Variants in CRABP1 observed in about 807,000 individuals in gnomAD.
CRABP1 encodes the protein cellular retinoic acid binding protein 1.
Under a neutral mutation model 16.4 loss-of-function variants are expected in CRABP1, and 9 were observed. That is an observed-to-expected ratio of 0.55 (90% CI 0.33 to 0.96). The LOEUF is 0.96. CRABP1 is among the 40% of genes least tolerant of loss of function. CRABP1 has a pLI of 0.03. For missense variants in CRABP1, 157 were observed against 186.0 expected, an observed-to-expected ratio of 0.84 and a Z score of 0.91; for synonymous variants, 72 against 70.4, an observed-to-expected ratio of 1.02 and a Z score of -0.11.
Position 78,340,497 on chromosome 15 carries a change from G to A in CRABP1, c.69G>A (p.Leu23=), listed in dbSNP as rs770387235. ...SENFDELLKA[L]GVNAMLRKVA... is the part of the protein sequence containing the mutation. ...ATTTCGACGAGCTGCTCAAGGCACT[G>A]GGTAAGCTGGTGCAGAGGGCGCGCC... The change falls in exon 1 of 4, where the codon CTG becomes CTA. Residue 23 remains leucine, a splice_region_variant and synonymous_variant. Coordinates refer to ENST00000299529, the MANE Select transcript of CRABP1 (RefSeq NM_004378.3). 1 of 1,607,440 alleles carries A rather than the reference G, an allele frequency of 6.2e-7. No individual in the cohort carries two copies. Among genetic ancestry groups the A allele is most frequent in the South Asian group, 1.1e-5 (1 of 89,754 alleles).
chr15:78,342,047 A>T (rs555578911), intron 2 of CRABP1, among the ~76,000 whole-genome samples: 1 of 152,236 alleles, frequency 6.6e-6, no homozygotes, highest in South Asian at 2.1e-4. Flanking sequence ...GAGAGTGGGA[A>T]ATTGTTTCTT....
chr15:78,341,162 A>T lies in CRABP1; in HGVS notation c.190A>T (p.Ile64Phe). 1 of 1,612,946 alleles carries T rather than the reference A, an allele frequency of 6.2e-7. No homozygotes were observed. Among genetic ancestry groups the T allele is most frequent in the Non-Finnish European group, 8.5e-7 (1 of 1,179,600 alleles). The change falls in exon 2 of 4, where the codon ATC becomes TTC. Residue 64 changes from isoleucine (I) to phenylalanine (F), a missense_variant. Ile to Phe is a conservative substitution (Grantham distance 21). Coordinates refer to ENST00000299529, the MANE Select transcript of CRABP1 (RefSeq NM_004378.3). This position sits in a 1 kb window ranked among gnomAD's most constrained non-coding sequence, Gnocchi z 5.3. ...ATCCACCACGGTGCGCACCACTGAGATCAACTTCAAGGTCGGAGAAGGCTT... is the reference window on the plus strand; with the variant it reads ...ATCCACCACGGTGCGCACCACTGAGTTCAACTTCAAGGTCGGAGAAGGCTT... ...KTSTTVRTTE[I>F]NFKVGEGFEE...
At chr15:78,344,619 C>G (rs1464140700) in intron 3 of CRABP1, among the ~76,000 whole-genome samples, 1 of 152,058 alleles carries the variant, frequency 6.6e-6, no homozygotes, top group Non-Finnish European at 1.5e-5. Context: ...GAACAATCCC[C>G]CTCGCTCTCC....
At chr15:78,344,391 C>T (rs1424104753) in intron 3 of CRABP1, among the ~76,000 whole-genome samples, 1 of 151,628 alleles carries the variant, frequency 6.6e-6, no homozygotes, top group African/African-American at 2.4e-5. Context: ...ACCCAGGAGG[C>T]GGAGGTTGCA....
Position 78,341,427 on chromosome 15 carries a change from C to G in CRABP1, c.249+206C>G. ...TATTACCTTCATTCCATCTCAACCC[C>G]ATCCCTACGCTGCCTCCCGGGGTGC... On this transcript the variant is annotated intron_variant, in intron 2 of 3. Transcript: ENST00000299529. This position sits in a 1 kb window ranked among gnomAD's most constrained non-coding sequence, Gnocchi z 5.3. 1.6e-6 allele frequency: 1 copy of G among 609,950 alleles called. No individual in the cohort carries two copies. Among genetic ancestry groups the G allele is most frequent in the Non-Finnish European group, 3.0e-6 (1 of 336,008 alleles). The allele number at this position is 609,950 out of a possible 1,614,324, so 37.8% of individuals were successfully genotyped here. A position where few individuals can be genotyped will look rare whatever the true frequency, so the allele number is the denominator to read the frequency against.
intron 3 of CRABP1, among the ~76,000 whole-genome samples, chr15:78,346,116 C>T (rs79692580): frequency 0.012 from 1,798 of 152,248 alleles, 16 homozygotes; most frequent in Non-Finnish European, 0.019. Context: ...AGAATAGTTT[C>T]TCCAGGGTAC....
intron 3 of CRABP1, chr15:78,347,709 A>G: frequency 2.0e-6 from 1 of 504,436 alleles, no homozygotes; most frequent in Non-Finnish European, 3.5e-6. Context: ...GGAAAATGGT[A>G]TATAACATAA....
intron 2 of CRABP1, among the ~76,000 whole-genome samples, chr15:78,342,784 G>A (rs1411538681): frequency 1.3e-5 from 2 of 152,188 alleles, no homozygotes; most frequent in Admixed American, 6.5e-5. Flanking sequence ...TCCATGCAGG[G>A]AATCGTGCTC....
At chr15:78,342,220 G>C (rs950461131) in intron 2 of CRABP1, among the ~76,000 whole-genome samples, 2 of 152,040 alleles carry the variant, frequency 1.3e-5, no homozygotes, top group Non-Finnish European at 1.5e-5. Flanking sequence ...ACGCTTGGAG[G>C]GGGTGGGATC....
chr15:78,345,952 A>C (rs1314021558), intron 3 of CRABP1, among the ~76,000 whole-genome samples: 1 of 152,130 alleles, frequency 6.6e-6, no homozygotes, highest in Non-Finnish European at 1.5e-5. Flanking sequence ...TACTCCCACA[A>C]ACCACTCTGG....
intron 3 of CRABP1, among the ~76,000 whole-genome samples, chr15:78,346,207 T>C (rs192979154): frequency 8.1e-4 from 123 of 152,294 alleles, no homozygotes; most frequent in African/African-American, 2.9e-3. Context: ...ATTAACATGG[T>C]TCTGAGGCGT....
chr15:78,346,230 G>A (rs1035910232), intron 3 of CRABP1, among the ~76,000 whole-genome samples: 2 of 152,288 alleles, frequency 1.3e-5, no homozygotes, highest in South Asian at 2.1e-4. Context: ...AGACATCTGC[G>A]AGGTAGACTT....
Position 78,343,547 on chromosome 15 carries a change from C to A in CRABP1, c.298C>A (p.Leu100Ile), listed in dbSNP as rs146054360. 3 of 1,614,078 alleles carry A rather than the reference C, an allele frequency of 1.9e-6. No individual in the cohort carries two copies. Among genetic ancestry groups the A allele is most frequent in the Non-Finnish European group, 2.5e-6 (3 of 1,180,036 alleles). ...NENKIHCTQT[L>I]LEGDGPKTYW... is the part of the protein sequence containing the mutation. ...GAACAAGATCCACTGCACGCAAACTCTTCTTGAAGGGGACGGCCCCAAAAC... is the reference window on the plus strand; with the variant it reads ...GAACAAGATCCACTGCACGCAAACTATTCTTGAAGGGGACGGCCCCAAAAC... The change falls in exon 3 of 4, where the codon CTT (leucine) becomes ATT (isoleucine). Residue 100 changes from leucine to isoleucine, a missense_variant. Coordinates refer to ENST00000299529, the MANE Select transcript of CRABP1 (RefSeq NM_004378.3).
At chr15:78,347,155 C>T (rs1442945586) in intron 3 of CRABP1, among the ~76,000 whole-genome samples, 1 of 152,110 alleles carries the variant, frequency 6.6e-6, no homozygotes, top group Non-Finnish European at 1.5e-5. Context: ...TGTCCTCCTC[C>T]ATCTGTGCAA....
At chr15:78,345,231 T>C (rs4886568) in intron 3 of CRABP1, among the ~76,000 whole-genome samples, 16,052 of 152,154 alleles carry the variant, frequency 0.11, 1,874 homozygotes, top group African/African-American at 0.28. Context: ...GAGGTCCCTC[T>C]CAGCCTTGAA....
At position 78,343,616 on chromosome 15, in the gene CRABP1, G is replaced by C. The variant is rs1006447988; in HGVS notation, c.363+4G>C. On this transcript the variant is annotated splice_donor_region_variant and intron_variant, in intron 3 of 3. Transcript: ENST00000299529. Reference sequence around the variant, plus strand: ...GGCCAACGATGAACTTATCCTGGTAGGGAACCCTTGACCCTGAAATAATCC... The same window carrying C: ...GGCCAACGATGAACTTATCCTGGTACGGAACCCTTGACCCTGAAATAATCC... The C allele has an allele frequency of 1.2e-6, 2 of 1,613,040 alleles. No homozygotes were observed. The highest frequency in any genetic ancestry group is 3.3e-5 in the Admixed American group (2 of 59,980).
At chr15:78,340,649 G>T (rs1199466889) in intron 1 of CRABP1, 151 bp downstream of exon 1, 9 of 865,494 alleles carry the variant, frequency 1.0e-5, no homozygotes, top group Non-Finnish European at 1.4e-5. Flanking sequence ...TCTCCCAGGC[G>T]CACCGGGTCT....
At chr15:78,340,723 CCCT>C (rs779026278) in intron 1 of CRABP1, 6 of 610,404 alleles carry the variant, frequency 9.8e-6, no homozygotes, top group Non-Finnish European at 1.7e-5. Flanking sequence ...ATGTTTGGCG[CCCT>C]CCTCGATGGT....
At chr15:78,344,528 G>A (rs1036521449) in intron 3 of CRABP1, among the ~76,000 whole-genome samples, 1 of 151,948 alleles carries the variant, frequency 6.6e-6, no homozygotes, top group Non-Finnish European at 1.5e-5. Context: ...TACCTAGTGA[G>A]GCCAAATTAG....
Sources: gnomAD v4.1 joint callset for allele counts (sites outside exome capture counted in the v4.1 genomes callset) on GRCh38, gnomAD v4.1.1 for gene constraint, Gnocchi (gnomAD v3.1) non-coding constraint, MANE v1.5 for transcripts, NCBI Gene and HGNC (gene_info 2026-07-23, HGNC 2026-07-21) for gene names.